CYP19A1: variants seen among roughly 807,000 people sequenced by gnomAD.
CYP19A1 encodes the protein cytochrome P450 family 19 subfamily A member 1, also known as aromatase.
CYP19A1 carries 32 observed loss-of-function variants against 44.4 expected under a neutral mutation model. The ratio of observed to expected loss-of-function variants is 0.72; its 90% CI spans 0.54 to 0.97. The LOEUF is 0.97. Ranked by LOEUF, CYP19A1 falls within the 50% of genes least tolerant of loss-of-function variation. The pLI is 0.00. For missense variants in CYP19A1, 598 were observed against 637.8 expected, an observed-to-expected ratio of 0.94 and a Z score of 0.67; for synonymous variants, 212 against 215.6, an observed-to-expected ratio of 0.98 and a Z score of 0.14.
chr15:51,317,252 C>A (rs1231371449), intron 1 of CYP19A1, among the ~76,000 whole-genome samples: 2 of 152,126 alleles, frequency 1.3e-5, no homozygotes, highest in African/African-American at 4.8e-5. Flanking sequence ...CAGGCCTCCA[C>A]CACCATGCCT....
chr15:51,235,860 C>T (rs370780469), intron 3 of CYP19A1, among the ~76,000 whole-genome samples: 88 of 152,308 alleles, frequency 5.8e-4, no homozygotes, highest in African/African-American at 2.1e-3. Flanking sequence ...GGGTAAAGCG[C>T]TATCAGGGAT....
At chr15:51,242,340 G>A (rs1318359158) in intron 2 of CYP19A1, 6 of 274,714 alleles carry the variant, frequency 2.2e-5, no homozygotes, top group South Asian at 4.3e-5. Context: ...AAGACAAAGA[G>A]GGGGCATGGC....
intron 2 of CYP19A1, among the ~76,000 whole-genome samples, chr15:51,241,515 A>T (rs1312351769): frequency 1.3e-5 from 2 of 152,150 alleles, no homozygotes; most frequent in African/African-American, 4.8e-5. Flanking sequence ...GAGCCTATGA[A>T]GGGAAGAAGA....
chr15:51,282,432 T>C (rs1325303052), intron 1 of CYP19A1, among the ~76,000 whole-genome samples: 1 of 152,236 alleles, frequency 6.6e-6, no homozygotes, highest in African/African-American at 2.4e-5. Flanking sequence ...ATGTTCCATA[T>C]GCTTCAAAGG....
intron 3 of CYP19A1, among the ~76,000 whole-genome samples, chr15:51,229,930 C>A (rs181597853): frequency 1.6e-4 from 25 of 152,274 alleles, no homozygotes; most frequent in Admixed American, 1.4e-3. Context: ...GTAAGAAACT[C>A]CAAACATAAA....
At chr15:51,281,351 G>T (rs2035510789) in intron 1 of CYP19A1, among the ~76,000 whole-genome samples, 1 of 152,206 alleles carries the variant, frequency 6.6e-6, no homozygotes, top group Non-Finnish European at 1.5e-5. Context: ...ACTCTCTGGA[G>T]GTTCCTGGGG....
intron 2 of CYP19A1, among the ~76,000 whole-genome samples, chr15:51,241,961 G>A (rs2033796228): frequency 6.6e-6 from 1 of 152,020 alleles, no homozygotes; most frequent in African/African-American, 2.4e-5. Context: ...ATGGAATTGG[G>A]AACAGATGTG....
At chr15:51,264,516 G>C (rs1189879643) in intron 1 of CYP19A1, among the ~76,000 whole-genome samples, 1 of 152,096 alleles carries the variant, frequency 6.6e-6, no homozygotes, top group African/African-American at 2.4e-5. Context: ...GACGGTCAAG[G>C]GACAGCAGTG....
intron 6 of CYP19A1, among the ~76,000 whole-genome samples, chr15:51,217,674 A>G (rs928458275): frequency 2.0e-5 from 3 of 152,196 alleles, no homozygotes; most frequent in Non-Finnish European, 4.4e-5. Flanking sequence ...GAAGATATGA[A>G]CACAGGAAAG....
At chr15:51,222,748 G>A (rs1304960945) in intron 4 of CYP19A1, among the ~76,000 whole-genome samples, 1 of 152,146 alleles carries the variant, frequency 6.6e-6, no homozygotes, top group Non-Finnish European at 1.5e-5. Flanking sequence ...AGGAGATAGG[G>A]ACAAATATTA....
intron 1 of CYP19A1, among the ~76,000 whole-genome samples, chr15:51,280,761 C>T (rs957822844): frequency 6.6e-6 from 1 of 152,182 alleles, no homozygotes; most frequent in African/African-American, 2.4e-5. Flanking sequence ...AATTTTGGTA[C>T]AGCTGTAACT....
chr15:51,225,343 G>A, intron 4 of CYP19A1, among the ~76,000 whole-genome samples: 1 of 152,202 alleles, frequency 6.6e-6, no homozygotes, highest in East Asian at 1.9e-4. Flanking sequence ...CTAAATACTA[G>A]TTCACATATT....
Position 51,303,912 on chromosome 15 carries a change from C to T in CYP19A1, c.-39+34583G>A, listed in dbSNP as rs914381098. On this transcript the variant is annotated intron_variant, in intron 1 of 9. Coordinates refer to ENST00000396402, the MANE Select transcript of CYP19A1 (RefSeq NM_000103.4). ...ATACATGGGACCTCATCCAAAGCAG[C>T]AAGTATAAAGGAAGAGGCAAGATGC... 2.6e-5 allele frequency among the ~76,000 whole-genome samples: 4 copies of T among 152,022 alleles called. No homozygotes were observed. In the East Asian group the frequency reaches 7.7e-4, roughly 29 times the overall value.
chr15:51,277,325 A>G (rs2035349745), intron 1 of CYP19A1: 3 of 152,246 alleles, frequency 2.0e-5, no homozygotes, highest in Admixed American at 6.5e-5. Flanking sequence ...CAGATGAAGT[A>G]ACAATTCTCA....
At chr15:51,222,224 C>T (rs1595681081) in intron 5 of CYP19A1, 125 bp downstream of exon 5, 2 of 1,539,794 alleles carry the variant, frequency 1.3e-6, no homozygotes, top group Non-Finnish European at 1.8e-6. Context: ...ACGAGGAGTA[C>T]TTAGAAATGT....
chr15:51,289,834 C>A (rs1013661207), intron 1 of CYP19A1, among the ~76,000 whole-genome samples: 25 of 152,150 alleles, frequency 1.6e-4, no homozygotes, highest in African/African-American at 6.0e-4. Context: ...GAGGGAGGGG[C>A]TGCGGAAGAG....
intron 5 of CYP19A1, 168 bp downstream of exon 5, chr15:51,222,181 T>C: frequency 8.0e-7 from 1 of 1,256,198 alleles, no homozygotes. Context: ...TTATATTTTA[T>C]AAGTGAACAA....
rs890936070 is a variant in CYP19A1, at chr15:51,230,814, G to T, written c.297-2881C>A. Among the ~76,000 whole-genome samples the T allele has an allele frequency of 3.9e-5, 6 of 152,042 alleles. 1 individual carries two copies. The highest frequency in any genetic ancestry group is 1.4e-4 in the African/African-American group (6 of 41,466). ...TTTGTGCATTTTTAGTAGAGACAGG[G>T]TTTCACCATGTTGGCCAGGCTGGTC... On this transcript the variant is annotated intron_variant, in intron 3 of 9. Coordinates refer to ENST00000396402, the MANE Select transcript of CYP19A1 (RefSeq NM_000103.4).
chr15:51,249,559 T>G (rs780041786), intron 1 of CYP19A1, among the ~76,000 whole-genome samples: 1 of 152,208 alleles, frequency 6.6e-6, no homozygotes, highest in Non-Finnish European at 1.5e-5. Flanking sequence ...GAAGCTTGTC[T>G]GAGCAGGGTA....
Sources: allele counts gnomAD v4.1 joint callset (sites outside exome capture counted in the v4.1 genomes callset), GRCh38; gene constraint gnomAD v4.1.1; transcripts MANE v1.5; gene names NCBI Gene and HGNC (gene_info 2026-07-23, HGNC 2026-07-21).